The following NUBPL variants were observed in gnomAD, a reference collection of about 807,000 sequenced individuals.
The protein encoded by NUBPL is iron-sulfur cluster transfer protein NUBPL.
NUBPL carries 31 observed loss-of-function variants against 45.7 expected under a neutral mutation model. The observed-to-expected ratio is 0.68, with a 90% CI of 0.51 to 0.92. NUBPL has a LOEUF of 0.92. Ranked by LOEUF, NUBPL falls within the 40% of genes least tolerant of loss-of-function variation. NUBPL has a pLI of 0.00. For missense variants in NUBPL, 401 were observed against 398.7 expected (o/e 1.01, Z -0.05); for synonymous variants, 144 against 140.9 (o/e 1.02, Z -0.15).
At chr14:31,581,413 G>T (rs1283557674) in intron 3 of NUBPL, among the ~76,000 whole-genome samples, 1 of 152,018 alleles carries the variant, frequency 6.6e-6, no homozygotes, top group Admixed American at 6.6e-5. Context: ...CTAGCCCCTA[G>T]TAACCACTAA....
At chr14:31,840,122 G>A (rs775810778) in intron 8 of NUBPL, among the ~76,000 whole-genome samples, 60 of 152,116 alleles carry the variant, frequency 3.9e-4, no homozygotes, top group Admixed American at 9.2e-4. Context: ...CAAAGGAACC[G>A]AAATCAGTTT....
chr14:31,633,721 A>G (rs918920995), intron 4 of NUBPL, among the ~76,000 whole-genome samples: 5 of 152,194 alleles, frequency 3.3e-5, no homozygotes, highest in African/African-American at 1.2e-4. Context: ...TATTTTGGTC[A>G]AAAACTTGCT....
chr14:31,753,743 T>A, intron 6 of NUBPL, among the ~76,000 whole-genome samples: 1 of 152,190 alleles, frequency 6.6e-6, no homozygotes, highest in South Asian at 2.1e-4. Context: ...GCTCAGGGCC[T>A]GTGACAACTG....
intron 3 of NUBPL, among the ~76,000 whole-genome samples, chr14:31,568,293 T>C (rs910062025): frequency 1.3e-4 from 20 of 152,238 alleles, no homozygotes; most frequent in African/African-American, 4.6e-4. Flanking sequence ...GAAGTAACTA[T>C]GTAATAAGGG....
At chr14:31,830,297 A>C (rs906603901) in intron 8 of NUBPL, among the ~76,000 whole-genome samples, 11 of 152,340 alleles carry the variant, frequency 7.2e-5, no homozygotes, top group Non-Finnish European at 1.5e-4. Flanking sequence ...GTGGTTTAGA[A>C]AAAAATAAAG....
intron 7 of NUBPL, among the ~76,000 whole-genome samples, chr14:31,794,869 A>G (rs2039452497): frequency 1.7e-5 from 1 of 60,206 alleles, no homozygotes; most frequent in Non-Finnish European, 3.2e-5. Flanking sequence ...TTTTAGGTCT[A>G]ACGTTTAAAT....
intron 6 of NUBPL, among the ~76,000 whole-genome samples, chr14:31,719,854 C>T (rs2037770716): frequency 6.6e-6 from 1 of 152,056 alleles, no homozygotes; most frequent in Non-Finnish European, 1.5e-5. Flanking sequence ...GCTATACATG[C>T]TGCTTTTTAG....
intron 8 of NUBPL, among the ~76,000 whole-genome samples, chr14:31,838,267 C>A (rs1483035398): frequency 8.5e-6 from 1 of 117,886 alleles, no homozygotes; most frequent in African/African-American, 4.3e-5. Flanking sequence ...ATACATATAA[C>A]CTAATATCCA....
At chr14:31,749,550 C>G (rs2038476220) in intron 6 of NUBPL, among the ~76,000 whole-genome samples, 1 of 152,148 alleles carries the variant, frequency 6.6e-6, no homozygotes, top group African/African-American at 2.4e-5. Context: ...GAGCTTTCTT[C>G]TGAGAAATCT....
At chr14:31,706,694 T>A (rs2037461246) in intron 6 of NUBPL, among the ~76,000 whole-genome samples, 1 of 152,232 alleles carries the variant, frequency 6.6e-6, no homozygotes, top group Non-Finnish European at 1.5e-5. Flanking sequence ...GGAGAGTCAC[T>A]GCTGCCAAAG....
At chr14:31,844,695 GTTC>G (rs1473055356) in intron 8 of NUBPL, 1 of 152,042 alleles carries the variant, frequency 6.6e-6, no homozygotes, top group African/African-American at 2.4e-5. Context: ...TATCAGTACT[GTTC>G]TTCATTTAAA....
At chr14:31,798,212 A>G (rs1159098923) in intron 7 of NUBPL, among the ~76,000 whole-genome samples, 2 of 150,686 alleles carry the variant, frequency 1.3e-5, no homozygotes. Flanking sequence ...TTCTGTGTAT[A>G]TGTTAAAGGA....
At chr14:31,655,521 T>G (rs1419292873) in intron 4 of NUBPL, among the ~76,000 whole-genome samples, 2 of 152,124 alleles carry the variant, frequency 1.3e-5, no homozygotes, top group Non-Finnish European at 2.9e-5. Context: ...GAGACCAGCC[T>G]GGGCAACATG....
chr14:31,645,256 C>T lies in NUBPL; in HGVS notation c.383-28099C>T, dbSNP rs574056723. Among the ~76,000 whole-genome samples the T allele has an allele frequency of 1.3e-4, 20 of 151,910 alleles. No individual in the cohort carries two copies. The East Asian group carries it at 1.9e-3, about 15-fold the overall frequency. On this transcript the variant is annotated intron_variant, in intron 4 of 10. Transcript: ENST00000281081. ...AATTTTTTGTATTTTTTAGTAGAGG[C>T]GGGGTTTCACTGTGTTAGCCAGGAT...
intron 6 of NUBPL, among the ~76,000 whole-genome samples, chr14:31,780,100 T>C (rs2039165382): frequency 6.6e-6 from 1 of 152,072 alleles, no homozygotes; most frequent in Non-Finnish European, 1.5e-5. Flanking sequence ...TCTTGCTGTC[T>C]TACCCAGGCT....
At chr14:31,639,242 G>A (rs942119688) in intron 4 of NUBPL, among the ~76,000 whole-genome samples, 5 of 152,092 alleles carry the variant, frequency 3.3e-5, no homozygotes, top group African/African-American at 1.2e-4. Flanking sequence ...CTTTGATGAT[G>A]GTGATGTACA....
chr14:31,635,862 G>T (rs1156846954), intron 4 of NUBPL, among the ~76,000 whole-genome samples: 1 of 152,088 alleles, frequency 6.6e-6, no homozygotes, highest in Non-Finnish European at 1.5e-5. Flanking sequence ...ATTGTGAATG[G>T]GCGTTCACTC....
rs538010687 is a variant in NUBPL, at chr14:31,750,378, T to A, written c.514-37402T>A. On this transcript the variant is annotated intron_variant, in intron 6 of 10. Transcript: ENST00000281081. The stretch of plus-strand genomic sequence containing the variant: ...TTTTTTAATTTTTATTTTTTTTATT[T>A]TTTTTTATTTTTAGTAGAGACGGGG... 6.5e-3 allele frequency among the ~76,000 whole-genome samples: 969 copies of A among 150,232 alleles called. 10 individuals are homozygous for A. The highest frequency in any genetic ancestry group is 0.022 in the African/African-American group (906 of 41,236).
intron 4 of NUBPL, among the ~76,000 whole-genome samples, chr14:31,609,485 T>C (rs1173372554): frequency 6.6e-6 from 1 of 152,170 alleles, no homozygotes; most frequent in East Asian, 1.9e-4. Flanking sequence ...CCTGGAGACT[T>C]CAATACCCCA....
Sources: gnomAD v4.1 joint callset for allele counts (sites outside exome capture counted in the v4.1 genomes callset) on GRCh38, gnomAD v4.1.1 for gene constraint, MANE v1.5 for transcripts, NCBI Gene and HGNC (gene_info 2026-07-23, HGNC 2026-07-21) for gene names.